ERBB4: variants seen among roughly 807,000 people sequenced by gnomAD.
ERBB4 encodes the protein erb-b2 receptor tyrosine kinase 4.
ERBB4 carries 42 observed loss-of-function variants against 158.0 expected under a neutral mutation model. The ratio of observed to expected loss-of-function variants is 0.27; its 90% confidence interval spans 0.21 to 0.34. The LOEUF is 0.34. ERBB4 is among the 10% of genes least tolerant of loss of function. The probability of loss-of-function intolerance (pLI) is 1.00; values close to 1 mark genes in which losing one functional copy is unlikely to be tolerated. For missense variants in ERBB4, 1,333 were observed against 1,624.1 expected (o/e 0.82, Z 3.08); for synonymous variants, 583 against 558.7 (o/e 1.04, Z -0.61).
intron 2 of ERBB4, among the ~76,000 whole-genome samples, chr2:211,948,322 G>C (rs1392708164): frequency 1.3e-5 from 2 of 150,836 alleles, no homozygotes; most frequent in African/African-American, 4.9e-5. Flanking sequence ...TGTAGTCCCA[G>C]CTACTTGGGA....
chr2:211,715,544 T>C (rs2073866576), intron 7 of ERBB4, among the ~76,000 whole-genome samples: 1 of 152,152 alleles, frequency 6.6e-6, no homozygotes, highest in South Asian at 2.1e-4. Context: ...ATCCTCAGTA[T>C]TGGGGGTGTG....
intron 2 of ERBB4, among the ~76,000 whole-genome samples, chr2:212,072,267 T>C (rs773967931): frequency 2.2e-4 from 33 of 152,078 alleles, no homozygotes; most frequent in Non-Finnish European, 3.4e-4. Flanking sequence ...TATAATTGAT[T>C]AGACAAATCT....
At chr2:211,551,720 G>A (rs2067103653) in intron 20 of ERBB4, among the ~76,000 whole-genome samples, 1 of 152,092 alleles carries the variant, frequency 6.6e-6, no homozygotes. Flanking sequence ...ATAGCATCTG[G>A]TCTTGACCAG....
At chr2:212,003,212 A>AGAAAGAAGGAAGGAAG (rs2076173198) in intron 2 of ERBB4, among the ~76,000 whole-genome samples, 2 of 40,484 alleles carry the variant, frequency 4.9e-5, no homozygotes, top group African/African-American at 1.3e-4. Flanking sequence ...AAAGACAGAA[A>AGAAAGAAGGAAGGAAG]GAAGGAAGGA....
intron 4 of ERBB4, among the ~76,000 whole-genome samples, chr2:211,758,952 G>A (rs1188602953): frequency 2.6e-5 from 4 of 152,128 alleles, no homozygotes; most frequent in Non-Finnish European, 4.4e-5. Context: ...AACTGCTTAC[G>A]AACCATCTCC....
intron 3 of ERBB4, among the ~76,000 whole-genome samples, chr2:211,862,108 G>A (rs1451893337): frequency 6.6e-6 from 1 of 152,076 alleles, no homozygotes; most frequent in East Asian, 1.9e-4. Context: ...AAAAGGTAGT[G>A]CCATATCTCT....
chr2:211,700,507 C>T (rs554112102), intron 12 of ERBB4, among the ~76,000 whole-genome samples: 7 of 151,818 alleles, frequency 4.6e-5, no homozygotes, highest in South Asian at 2.1e-4. Context: ...TTTTAAGGAT[C>T]GAAAAGAGCT....
chr2:211,603,230 C>CAAAAAATA (rs367920045), intron 19 of ERBB4, among the ~76,000 whole-genome samples: 3 of 151,344 alleles, frequency 2.0e-5, no homozygotes, highest in African/African-American at 7.3e-5. Flanking sequence ...GACTCCGTCT[C>CAAAAAATA]AATAAATAAA....
intron 3 of ERBB4, among the ~76,000 whole-genome samples, chr2:211,874,899 T>C (rs1322531625): frequency 6.6e-6 from 1 of 151,988 alleles, no homozygotes; most frequent in Admixed American, 6.6e-5. Context: ...CTAAAATATA[T>C]CAAATTGCCA....
intron 4 of ERBB4, among the ~76,000 whole-genome samples, chr2:211,774,862 A>G (rs554219572): frequency 1.6e-4 from 25 of 152,270 alleles, no homozygotes; most frequent in African/African-American, 6.0e-4. Context: ...TATGCAATGG[A>G]GAATGTCTTC....
At chr2:211,458,627 C>A (rs184484418) in intron 20 of ERBB4, among the ~76,000 whole-genome samples, 2 of 152,256 alleles carry the variant, frequency 1.3e-5, no homozygotes, top group Admixed American at 6.5e-5. Flanking sequence ...TGCAATTATT[C>A]AGATGACAAA....
chr2:211,578,894 G>A (rs2125763169), intron 19 of ERBB4, among the ~76,000 whole-genome samples: 1 of 152,190 alleles, frequency 6.6e-6, no homozygotes, highest in East Asian at 1.9e-4. Flanking sequence ...ATAGGCGTGG[G>A]TAAAGATTTC....
At chr2:212,017,679 C>T (rs955394191) in intron 2 of ERBB4, among the ~76,000 whole-genome samples, 1 of 152,006 alleles carries the variant, frequency 6.6e-6, no homozygotes, top group Non-Finnish European at 1.5e-5. Context: ...ACTCTTAATA[C>T]CTGGAAGTGA....
intron 3 of ERBB4, among the ~76,000 whole-genome samples, chr2:211,809,538 C>A (rs1461210928): frequency 6.6e-6 from 1 of 151,928 alleles, no homozygotes; most frequent in Non-Finnish European, 1.5e-5. Context: ...TGGTGATATC[C>A]CCTTTATCGT....
At chr2:212,505,848 C>A (rs1244512246) in intron 1 of ERBB4, among the ~76,000 whole-genome samples, 1 of 148,926 alleles carries the variant, frequency 6.7e-6, no homozygotes, top group African/African-American at 2.4e-5. Context: ...ATCTACGACA[C>A]AGTACAAGGC....
chr2:212,287,094 G>C (rs967957085), intron 1 of ERBB4, among the ~76,000 whole-genome samples: 1 of 151,918 alleles, frequency 6.6e-6, no homozygotes, highest in African/African-American at 2.4e-5. Context: ...ACCTCGATCA[G>C]CATGTAGCCC....
intron 19 of ERBB4, among the ~76,000 whole-genome samples, chr2:211,579,957 A>C (rs2125766497): frequency 6.6e-6 from 1 of 152,314 alleles, no homozygotes; most frequent in South Asian, 2.1e-4. Context: ...AGAACTTAAA[A>C]TAAAAATAAA....
intron 3 of ERBB4, among the ~76,000 whole-genome samples, chr2:211,806,602 T>C (rs566807716): frequency 6.6e-6 from 1 of 151,896 alleles, no homozygotes; most frequent in Non-Finnish European, 1.5e-5. Flanking sequence ...GTACAGAAAA[T>C]AATACGGATT....
chr2:211,813,575 A>G (rs2076809349), intron 3 of ERBB4, among the ~76,000 whole-genome samples: 1 of 152,136 alleles, frequency 6.6e-6, no homozygotes, highest in South Asian at 2.1e-4. Flanking sequence ...CATGCAGTGA[A>G]TGTTTTTAAT....
Sources: gnomAD v4.1 joint callset for allele counts (sites outside exome capture counted in the v4.1 genomes callset) on GRCh38, gnomAD v4.1.1 for gene constraint, MANE v1.5 for transcripts, NCBI Gene and HGNC (gene_info 2026-07-23, HGNC 2026-07-21) for gene names.